PTPRG: variants seen among roughly 807,000 people sequenced by gnomAD.
PTPRG encodes receptor-type tyrosine-protein phosphatase gamma.
A neutral mutation model predicts 165.3 loss-of-function variants in PTPRG; 102 were observed. The observed-to-expected ratio is 0.62, with a 90% CI of 0.53 to 0.73. PTPRG has a LOEUF of 0.73. Among genes scored for constraint, PTPRG ranks in the 30% least tolerant of loss-of-function variants. The pLI, the probability that PTPRG is intolerant of heterozygous loss-of-function variation, is 0.00. For synonymous variants in PTPRG, 675 were observed against 669.5 expected (o/e 1.01, Z -0.13); for missense variants, 1,866 against 1,861.4 (o/e 1.00, Z -0.05).
chr3:62,126,037 G>C (rs577279322), intron 5 of PTPRG, among the ~76,000 whole-genome samples: 1 of 152,292 alleles, frequency 6.6e-6, no homozygotes, highest in African/African-American at 2.4e-5. Context: ...GAAATGGCGT[G>C]TTGAGAGAAT....
intron 2 of PTPRG, among the ~76,000 whole-genome samples, chr3:61,865,694 G>A (rs2037387134): frequency 6.6e-6 from 1 of 152,158 alleles, no homozygotes; most frequent in South Asian, 2.1e-4. Flanking sequence ...GAGCCCCTTT[G>A]TCTTCTCATT....
chr3:61,573,065 G>A lies in PTPRG; in HGVS notation c.85+10693G>A, dbSNP rs963124254. On this transcript the variant is annotated intron_variant, in intron 1 of 29. Transcript: ENST00000474889. ...GAAGCTCACCTCTCCTGGCTGTGTC[G>A]TTTTCTGGCTCTACAAATGGCCTGC... Among the ~76,000 whole-genome samples the A allele has an allele frequency of 5.3e-5, 8 of 152,226 alleles. No individual in the cohort carries two copies. In the South Asian group the frequency reaches 1.0e-3, roughly 20 times the overall value.
intron 1 of PTPRG, chr3:61,742,894 T>C: frequency 1.3e-6 from 2 of 1,491,374 alleles, no homozygotes; most frequent in South Asian, 2.3e-5. Context: ...GTCACAGTGC[T>C]GCTGGTCCCC....
chr3:62,119,810 T>G (rs1361470015), intron 5 of PTPRG, among the ~76,000 whole-genome samples: 1 of 127,002 alleles, frequency 7.9e-6, no homozygotes, highest in African/African-American at 2.9e-5. Flanking sequence ...TTTTTTTTTG[T>G]ATTTTAGTAG....
At chr3:61,696,699 G>A (rs966524515) in intron 1 of PTPRG, among the ~76,000 whole-genome samples, 5 of 152,196 alleles carry the variant, frequency 3.3e-5, no homozygotes, top group African/African-American at 4.8e-5. Flanking sequence ...AGTCTTTGCC[G>A]GGGAAGCGAC....
chr3:61,673,674 G>A (rs1703112190), intron 1 of PTPRG, among the ~76,000 whole-genome samples: 1 of 152,132 alleles, frequency 6.6e-6, no homozygotes, highest in African/African-American at 2.4e-5. Context: ...ATCAACTTGG[G>A]ACTTTTAGGG....
Position 62,106,506 on chromosome 3 carries a change from T to A in PTPRG, c.616-26096T>A, listed in dbSNP as rs1576009845. On this transcript the variant is annotated intron_variant, in intron 5 of 29. Transcript: ENST00000474889. ...GTCCCCTGCAAACTCTTAAAGGCTT[T>A]TTTTTTTTTTTTTTGGCTTGATCTC... Among the ~76,000 whole-genome samples, 3 of 14,560 alleles carry A rather than the reference T, an allele frequency of 2.1e-4. No individual in the cohort carries two copies. In the South Asian group the frequency reaches 5.4e-3, roughly 26 times the overall value. 9.6% of individuals were successfully genotyped at this position (14,560 alleles called of 152,430 possible).
rs57512939 is a variant in PTPRG, at chr3:61,893,503, G to A, written c.191-96122G>A. On this transcript the variant is annotated intron_variant, in intron 2 of 29. Coordinates refer to ENST00000474889, the MANE Select transcript of PTPRG (RefSeq NM_002841.4). ...TAGGTGGAAGAGCCCATTATCTACC[G>A]TTAGCTTTGGTAGTCTTAACCGCTA... Among the ~76,000 whole-genome samples the A allele has an allele frequency of 1.7e-3, 260 of 152,298 alleles. 1 individual carries two copies. Among genetic ancestry groups the A allele is most frequent in the Non-Finnish European group, 2.6e-3 (177 of 68,028 alleles).
chr3:61,710,468 C>T (rs1575603125), intron 1 of PTPRG, among the ~76,000 whole-genome samples: 1 of 152,180 alleles, frequency 6.6e-6, no homozygotes, highest in Non-Finnish European at 1.5e-5. Context: ...GAGGAAACTT[C>T]TCTTAGTCTC....
intron 1 of PTPRG, among the ~76,000 whole-genome samples, chr3:61,734,872 A>G (rs1275519641): frequency 1.3e-5 from 2 of 152,212 alleles, no homozygotes; most frequent in African/African-American, 4.8e-5. Flanking sequence ...GAGGGGGGGA[A>G]TAATACTGAA....
chr3:61,662,960 T>C (rs1025827882), intron 1 of PTPRG, among the ~76,000 whole-genome samples: 1 of 152,152 alleles, frequency 6.6e-6, no homozygotes, highest in Non-Finnish European at 1.5e-5. Context: ...TAGCTTCCGA[T>C]ATGACTGTTT....
intron 28 of PTPRG, 94 bp downstream of exon 28, chr3:62,282,963 C>G (rs1702510450): frequency 8.7e-7 from 1 of 1,155,770 alleles, no homozygotes; most frequent in Admixed American, 2.5e-5. Context: ...ATTTTAAAAC[C>G]TATCAACAAC....
chr3:61,886,805 A>G (rs2038049688), intron 2 of PTPRG, among the ~76,000 whole-genome samples: 1 of 151,014 alleles, frequency 6.6e-6, no homozygotes, highest in South Asian at 2.1e-4. Flanking sequence ...GAAGGTTTTT[A>G]TTTTCTGCTT....
intron 5 of PTPRG, among the ~76,000 whole-genome samples, chr3:62,086,802 A>G (rs150582265): frequency 6.4e-4 from 97 of 152,312 alleles, no homozygotes; most frequent in African/African-American, 2.0e-3. Context: ...TTAATGTTCA[A>G]TTGCAGTTTT....
chr3:62,119,255 C>T (rs1702973828), intron 5 of PTPRG, among the ~76,000 whole-genome samples: 1 of 152,192 alleles, frequency 6.6e-6, no homozygotes, highest in Non-Finnish European at 1.5e-5. Context: ...TGGGCTGTAC[C>T]CTGAGCTTTA....
At chr3:61,655,807 A>G (rs1702493718) in intron 1 of PTPRG, among the ~76,000 whole-genome samples, 1 of 152,108 alleles carries the variant, frequency 6.6e-6, no homozygotes, top group Non-Finnish European at 1.5e-5. Flanking sequence ...AGGATCTCCC[A>G]ATGTTGCCTA....
At chr3:62,143,796 T>A (rs1289965527) in intron 6 of PTPRG, among the ~76,000 whole-genome samples, 1 of 152,222 alleles carries the variant, frequency 6.6e-6, no homozygotes, top group Non-Finnish European at 1.5e-5. Context: ...TGGGTTTGAA[T>A]TCTGGCTCTC....
At chr3:62,260,606 A>C (rs1464636284) in intron 16 of PTPRG, among the ~76,000 whole-genome samples, 1 of 152,228 alleles carries the variant, frequency 6.6e-6, no homozygotes, top group Non-Finnish European at 1.5e-5. Context: ...AAATATAAAC[A>C]AGCTTAAACT....
intron 4 of PTPRG, among the ~76,000 whole-genome samples, chr3:62,037,003 A>ACACG (rs1699967112): frequency 6.6e-6 from 1 of 151,862 alleles, no homozygotes; most frequent in Non-Finnish European, 1.5e-5. Context: ...ACACACACAC[A>ACACG]CACACAGTGT....
Sources: gnomAD v4.1 joint callset for allele counts (sites outside exome capture counted in the v4.1 genomes callset) on GRCh38, gnomAD v4.1.1 for gene constraint, MANE v1.5 for transcripts, NCBI Gene and HGNC (gene_info 2026-07-23, HGNC 2026-07-21) for gene names.